Variants in SWT1 observed in about 807,000 individuals in gnomAD.
The protein encoded by SWT1 is SWT1 RNA endoribonuclease homolog.
In SWT1, 33 loss-of-function variants were observed where a neutral mutation model predicts 107.3. That is an observed-to-expected ratio of 0.31 (90% CI 0.23 to 0.41). The LOEUF (loss-of-function observed/expected upper bound fraction) is 0.41, where lower values mean the gene tolerates loss of function less well. SWT1 is among the 10% of genes least tolerant of loss of function. The pLI, the probability that SWT1 is intolerant of heterozygous loss-of-function variation, is 1.00. For synonymous variants in SWT1, 345 were observed against 348.3 expected (o/e 0.99, Z 0.11); for missense variants, 898 against 1,028.9 (o/e 0.87, Z 1.74).
intron 13 of SWT1, among the ~76,000 whole-genome samples, chr1:185,210,898 A>G (rs1658741612): frequency 6.6e-6 from 1 of 152,126 alleles, no homozygotes; most frequent in Admixed American, 6.5e-5. Context: ...CAATAAACCA[A>G]GAACAGACAA....
At chr1:185,218,754 T>C (rs1001207847) in intron 14 of SWT1, among the ~76,000 whole-genome samples, 2 of 152,226 alleles carry the variant, frequency 1.3e-5, no homozygotes, top group African/African-American at 4.8e-5. Context: ...GTTAATAAGC[T>C]TCAGACTTAC....
chr1:185,191,575 T>C (rs1656953272), intron 10 of SWT1, among the ~76,000 whole-genome samples: 1 of 152,206 alleles, frequency 6.6e-6, no homozygotes. Flanking sequence ...TTATTTTAGC[T>C]ATCTTCAAAG....
intron 7 of SWT1, 126 bp from the exon 8 acceptor site, chr1:185,184,117 A>G: frequency 1.8e-6 from 1 of 563,858 alleles, no homozygotes; most frequent in Non-Finnish European, 3.2e-6. Context: ...AATCTCTGAT[A>G]CAGTTAACAA....
In SWT1 at chr1:185,190,487, T is replaced by C. The variant is rs1291912987; in HGVS notation, c.1430-62T>C. ...TTTGTTTTGTAAATACAGCCTAGAT[T>C]ATTTCTGTGTCACCCACATTTCTAG... On this transcript the variant is annotated intron_variant, in intron 9 of 18. Transcript: ENST00000367500. 4.2e-6 allele frequency: 4 copies of C among 941,298 alleles called. No homozygotes were observed. In the African/African-American group the frequency reaches 6.5e-5, roughly 15 times the overall value. 58.3% of individuals were successfully genotyped at this position (941,298 alleles called of 1,614,324 possible). A position where few individuals can be genotyped will look rare whatever the true frequency, so the allele number is the denominator to read the frequency against.
chr1:185,283,429 T>C (rs1664760166), intron 18 of SWT1, among the ~76,000 whole-genome samples: 1 of 152,160 alleles, frequency 6.6e-6, no homozygotes, highest in Non-Finnish European at 1.5e-5. Flanking sequence ...CAAACAAATA[T>C]CTTGTGCAGT....
At position 185,271,338 on chromosome 1, in the gene SWT1, C is replaced by A; in HGVS notation, c.2457C>A (p.Asn819Lys). Reference protein sequence around the residue: ...LEGIQRILAPNSNYQDVETLY... With the variant: ...LEGIQRILAPKSNYQDVETLY... The stretch of plus-strand genomic sequence containing the variant: ...TATTTTTTAGGATTTTGGCCCCAAA[C>A]AGTAATTATCAAGATGTTGAGACCC... The change falls in exon 17 of 19, where the codon AAC becomes AAA. Residue 819 changes from asparagine to lysine, a missense_variant. Transcript: ENST00000367500. 1.3e-6 allele frequency: 2 copies of A among 1,518,714 alleles called. No individual in the cohort carries two copies. Among genetic ancestry groups the A allele is most frequent in the Non-Finnish European group, 1.8e-6 (2 of 1,094,714 alleles). 94.1% of individuals were successfully genotyped at this position (1,518,714 alleles called of 1,614,324 possible). A position where few individuals can be genotyped will look rare whatever the true frequency, so the allele number is the denominator to read the frequency against.
chr1:185,169,674 C>T (rs1654882857), intron 4 of SWT1, among the ~76,000 whole-genome samples: 1 of 152,018 alleles, frequency 6.6e-6, no homozygotes, highest in African/African-American at 2.4e-5. Flanking sequence ...GGGAGGAAGG[C>T]TTGAGGCCAG....
chr1:185,216,732 A>T (rs777498845), intron 14 of SWT1, among the ~76,000 whole-genome samples: 3 of 152,100 alleles, frequency 2.0e-5, no homozygotes, highest in Non-Finnish European at 4.4e-5. Flanking sequence ...TGGGTGGATC[A>T]CCTAAGGGCA....
At chr1:185,275,304 C>T (rs777103582) in intron 17 of SWT1, among the ~76,000 whole-genome samples, 6 of 151,480 alleles carry the variant, frequency 4.0e-5, no homozygotes, top group Non-Finnish European at 7.4e-5. Context: ...TAGGAGAAGG[C>T]AGAACATGTA....
At chr1:185,273,133 C>G (rs188682007) in intron 17 of SWT1, among the ~76,000 whole-genome samples, 190 of 152,206 alleles carry the variant, frequency 1.2e-3, no homozygotes, top group African/African-American at 4.5e-3. Flanking sequence ...GGCTGAGCGC[C>G]GTGGCTCACA....
At chr1:185,266,224 C>T (rs1437888587) in intron 16 of SWT1, among the ~76,000 whole-genome samples, 1 of 142,914 alleles carries the variant, frequency 7.0e-6, no homozygotes, top group Admixed American at 6.9e-5. Context: ...CCACCACGCC[C>T]AGCTAATTTT....
chr1:185,199,125 A>G (rs933559947), intron 10 of SWT1, among the ~76,000 whole-genome samples: 2 of 151,698 alleles, frequency 1.3e-5, no homozygotes, highest in African/African-American at 2.4e-5. Flanking sequence ...TTTAGTAGAG[A>G]CGGTATTTCA....
At chr1:185,201,654 A>G (rs1657894476) in intron 10 of SWT1, among the ~76,000 whole-genome samples, 3 of 152,164 alleles carry the variant, frequency 2.0e-5, no homozygotes, top group South Asian at 2.1e-4. Context: ...TGCTTTCTGC[A>G]TTGATCTAGC....
intron 15 of SWT1, among the ~76,000 whole-genome samples, chr1:185,226,618 C>G (rs185541935): frequency 6.6e-6 from 1 of 152,044 alleles, no homozygotes; most frequent in East Asian, 1.9e-4. Flanking sequence ...TTTTTGGTAT[C>G]TTTTCTACTT....
intron 16 of SWT1, among the ~76,000 whole-genome samples, chr1:185,256,990 C>T (rs1571636020): frequency 6.6e-6 from 1 of 152,052 alleles, no homozygotes; most frequent in African/African-American, 2.4e-5. Flanking sequence ...TGTTAGTTTT[C>T]CTTCTAACAG....
At chr1:185,287,630 C>A (rs1225128827) in intron 18 of SWT1, among the ~76,000 whole-genome samples, 1 of 152,146 alleles carries the variant, frequency 6.6e-6, no homozygotes, top group Non-Finnish European at 1.5e-5. Context: ...GGTCAGATGA[C>A]TCACTGGAGA....
chr1:185,268,144 A>G (rs1376881499), intron 16 of SWT1, among the ~76,000 whole-genome samples: 1 of 152,238 alleles, frequency 6.6e-6, no homozygotes, highest in Non-Finnish European at 1.5e-5. Context: ...TCAAAATAAC[A>G]AATTTTATCA....
chr1:185,252,619 T>C (rs1367482838), intron 16 of SWT1, among the ~76,000 whole-genome samples: 1 of 152,118 alleles, frequency 6.6e-6, no homozygotes, highest in Non-Finnish European at 1.5e-5. Flanking sequence ...GCCCACTTTT[T>C]GATGGGGTTG....
At chr1:185,256,080 C>G (rs1460050506) in intron 16 of SWT1, among the ~76,000 whole-genome samples, 4 of 148,220 alleles carry the variant, frequency 2.7e-5, no homozygotes, top group African/African-American at 9.9e-5. Flanking sequence ...GTTGAAAATT[C>G]TTTTCTTTAA....
Sources: allele counts gnomAD v4.1 joint callset (sites outside exome capture counted in the v4.1 genomes callset), GRCh38; gene constraint gnomAD v4.1.1; transcripts MANE v1.5; gene names NCBI Gene and HGNC (gene_info 2026-07-23, HGNC 2026-07-21).